The following SCCPDH variants were observed in gnomAD, a reference collection of about 807,000 sequenced individuals.
The protein encoded by SCCPDH is saccharopine dehydrogenase-like oxidoreductase.
Under a neutral mutation model 51.5 loss-of-function variants are expected in SCCPDH, and 34 were observed. That is an observed-to-expected ratio of 0.66 (90% CI 0.50 to 0.88). SCCPDH has a LOEUF of 0.88. Among genes scored for constraint, SCCPDH ranks in the 40% least tolerant of loss-of-function variants. SCCPDH has a pLI of 0.00. For synonymous variants in SCCPDH, 187 were observed against 191.3 expected (o/e 0.98, Z 0.19); for missense variants, 464 against 527.1 (o/e 0.88, Z 1.17).
intron 4 of SCCPDH, among the ~76,000 whole-genome samples, chr1:246,742,021 A>G (rs1347906484): frequency 2.0e-5 from 3 of 152,218 alleles, no homozygotes; most frequent in South Asian, 2.1e-4. Context: ...GTGAGCTGAG[A>G]TCGCGCTGTT....
intron 5 of SCCPDH, among the ~76,000 whole-genome samples, chr1:246,750,672 G>A (rs1668839443): frequency 6.6e-6 from 1 of 152,088 alleles, no homozygotes; most frequent in Admixed American, 6.6e-5. Context: ...CTAAACCTGG[G>A]TATAATATTT....
chr1:246,728,537 T>C (rs561027749), intron 2 of SCCPDH, among the ~76,000 whole-genome samples: 31 of 152,346 alleles, frequency 2.0e-4, no homozygotes, highest in African/African-American at 6.7e-4. Context: ...TTACAAACGT[T>C]GTGTGGTGCT....
chr1:246,765,979 T>C (rs896357909), intron 10 of SCCPDH, 79 bp from the exon 11 acceptor site: 47 of 937,484 alleles, frequency 5.0e-5, no homozygotes, highest in Non-Finnish European at 7.9e-5. Context: ...AGATATAAAA[T>C]CTACCATTTG....
intron 3 of SCCPDH, among the ~76,000 whole-genome samples, chr1:246,736,469 A>G (rs1668591937): frequency 1.3e-5 from 2 of 152,246 alleles, no homozygotes. Context: ...TGGGAGGCCA[A>G]GGCGGGCAGA....
intron 5 of SCCPDH, chr1:246,755,569 C>G (rs542393203): frequency 6.6e-6 from 1 of 152,274 alleles, no homozygotes; most frequent in East Asian, 1.9e-4. Flanking sequence ...CTAAGCAGGA[C>G]GGCTGCTTTG....
chr1:246,760,241 T>C lies in SCCPDH; in HGVS notation c.990+14T>C. ...ACACAAAAACAGGTAATTTCTTTTG[T>C]ATTAAGACACTAAAATAATATTTTT... is the stretch of plus-strand genomic sequence containing the variant. On this transcript the variant is annotated intron_variant, in intron 9 of 11. Coordinates refer to ENST00000366510, the MANE Select transcript of SCCPDH (RefSeq NM_016002.3). 1 of 1,590,596 alleles carries C rather than the reference T, an allele frequency of 6.3e-7. No individual in the cohort carries two copies. Among genetic ancestry groups the C allele is most frequent in the Non-Finnish European group, 8.6e-7 (1 of 1,166,048 alleles).
chr1:246,742,702 T>G (rs1474479977), intron 4 of SCCPDH, among the ~76,000 whole-genome samples: 7 of 152,244 alleles, frequency 4.6e-5, no homozygotes, highest in African/African-American at 1.7e-4. Flanking sequence ...GTGTCAACTT[T>G]GTAAGGCCCC....
In SCCPDH at chr1:246,744,703, C is replaced by G. The variant is rs763446099; in HGVS notation, c.564+578C>G. Among the ~76,000 whole-genome samples, 3 of 152,182 alleles carry G rather than the reference C, an allele frequency of 2.0e-5. No individual in the cohort carries two copies. The East Asian group carries it at 5.8e-4, about 29-fold the overall frequency. ...TGATCTTGGCTCACTCAATCTCTGC[C>G]TCCCGGATTTAAGTGGTTCTCCTGC... is the stretch of plus-strand genomic sequence containing the variant. On this transcript the variant is annotated intron_variant, in intron 5 of 11. Coordinates refer to ENST00000366510, the MANE Select transcript of SCCPDH (RefSeq NM_016002.3).
intron 5 of SCCPDH, among the ~76,000 whole-genome samples, chr1:246,756,265 G>A (rs774556654): frequency 1.3e-5 from 2 of 152,076 alleles, no homozygotes; most frequent in Non-Finnish European, 2.9e-5. Flanking sequence ...TTAGAAACAG[G>A]CAAAACTAAT....
chr1:246,745,568 A>G (rs141152185), intron 5 of SCCPDH, among the ~76,000 whole-genome samples: 2 of 152,342 alleles, frequency 1.3e-5, no homozygotes, highest in African/African-American at 4.8e-5. Flanking sequence ...GCTGGGATAT[A>G]GCTGAATTTC....
intron 2 of SCCPDH, among the ~76,000 whole-genome samples, chr1:246,729,382 A>G (rs1461058208): frequency 6.6e-6 from 1 of 150,676 alleles, no homozygotes; most frequent in African/African-American, 2.4e-5. Context: ...TAAGACAGAC[A>G]CTCCCAGAGC....
intron 3 of SCCPDH, among the ~76,000 whole-genome samples, chr1:246,737,944 T>C (rs1668622617): frequency 6.6e-6 from 1 of 151,950 alleles, no homozygotes; most frequent in African/African-American, 2.4e-5. Flanking sequence ...ACCTGTAATC[T>C]CAGCACTCTG....
intron 9 of SCCPDH, among the ~76,000 whole-genome samples, chr1:246,762,052 C>CT (rs1489607354): frequency 1.4e-4 from 21 of 152,184 alleles, no homozygotes; most frequent in Admixed American, 7.9e-4. Flanking sequence ...AAACCGACAT[C>CT]TGTTATTTTC....
At chr1:246,731,402 C>G (rs1210244283) in intron 2 of SCCPDH, among the ~76,000 whole-genome samples, 1 of 152,216 alleles carries the variant, frequency 6.6e-6, no homozygotes, top group Non-Finnish European at 1.5e-5. Flanking sequence ...ATTAATACTT[C>G]ACTGCAGCCT....
Position 246,760,164 on chromosome 1 carries a change from C to A in SCCPDH, c.934-7C>A, listed in dbSNP as rs1399159676. On this transcript the variant is annotated splice_region_variant and splice_polypyrimidine_tract_variant and intron_variant, in intron 8 of 11. Coordinates refer to ENST00000366510, the MANE Select transcript of SCCPDH (RefSeq NM_016002.3). ...AAATATCACTGACGGTTTTTTTTTC[C>A]CTTTAGTTCCCATGGTTCTTCTCCT... is the stretch of plus-strand genomic sequence containing the variant. 8 of 1,596,296 alleles carry A rather than the reference C, an allele frequency of 5.0e-6. No individual in the cohort carries two copies. Among genetic ancestry groups the A allele is most frequent in the Non-Finnish European group, 6.8e-6 (8 of 1,175,374 alleles).
intron 7 of SCCPDH, 84 bp from the exon 8 acceptor site, chr1:246,759,873 A>G: frequency 7.2e-7 from 1 of 1,397,590 alleles, no homozygotes; most frequent in Non-Finnish European, 9.8e-7. Flanking sequence ...TTGTGATGGA[A>G]GAGAAAGGTA....
intron 5 of SCCPDH, among the ~76,000 whole-genome samples, chr1:246,745,944 T>C (rs1178732975): frequency 2.0e-5 from 3 of 151,388 alleles, no homozygotes; most frequent in Non-Finnish European, 4.4e-5. Context: ...CCGTCTCTAC[T>C]AAAAATACAA....
rs369300314 is a variant in SCCPDH, at chr1:246,766,131, G to T, written c.1176G>T (p.Leu392=). ...AMTLLSDASH[L]PKAGGVFTPG... is the part of the protein sequence containing the mutation. ...CTCTTCTAAGTGATGCTTCTCATCTGCCTAAGGCGTAAGTTTGGTTTTCTT... is the reference window on the plus strand; with the variant it reads ...CTCTTCTAAGTGATGCTTCTCATCTTCCTAAGGCGTAAGTTTGGTTTTCTT... Residue 392 remains leucine, a synonymous_variant, in exon 11 of 12, where the codon CTG becomes CTT. Coordinates refer to ENST00000366510, the MANE Select transcript of SCCPDH (RefSeq NM_016002.3). 6.2e-7 allele frequency: 1 copy of T among 1,609,310 alleles called. No individual in the cohort carries two copies. The highest frequency in any genetic ancestry group is 1.7e-5 in the Admixed American group (1 of 59,658).
chr1:246,738,767 C>T (rs1018100498), intron 3 of SCCPDH, among the ~76,000 whole-genome samples: 7 of 152,076 alleles, frequency 4.6e-5, no homozygotes, highest in Non-Finnish European at 1.0e-4. Context: ...GCAGCAGAAT[C>T]GCTTGAACCC....
Sources: gnomAD v4.1 joint callset for allele counts (sites outside exome capture counted in the v4.1 genomes callset) on GRCh38, gnomAD v4.1.1 for gene constraint, MANE v1.5 for transcripts, NCBI Gene and HGNC (gene_info 2026-07-23, HGNC 2026-07-21) for gene names.